Variants in SLC68A1 observed in about 807,000 individuals in gnomAD.
SLC68A1 encodes the protein solute carrier family 68 member 1.
the SLC68A1 span, chr10:102,475,633 G>A: frequency 6.9e-7 from 1 of 1,455,948 alleles, no homozygotes; most frequent in Non-Finnish European, 9.2e-7. Flanking sequence ...TCCATGTGGT[G>A]TCTGAGATGT....
At chr10:102,467,883 C>G in the SLC68A1 span, among the ~76,000 whole-genome samples, 1 of 152,162 alleles carries the variant, frequency 6.6e-6, no homozygotes, top group Non-Finnish European at 1.5e-5. Context: ...GTCTTGAACT[C>G]CTGACCTCAG....
the SLC68A1 span, among the ~76,000 whole-genome samples, chr10:102,467,252 T>C: frequency 6.6e-6 from 1 of 152,184 alleles, no homozygotes; most frequent in African/African-American, 2.4e-5. Context: ...GCCAGACTGG[T>C]CTCAAATTCC....
the SLC68A1 span, chr10:102,475,928 A>C: frequency 3.5e-5 from 56 of 1,613,502 alleles, no homozygotes; most frequent in Admixed American, 8.8e-4. Flanking sequence ...GCACATGGTC[A>C]AGGCCCAGCG....
At chr10:102,464,683 G>A in the SLC68A1 span, among the ~76,000 whole-genome samples, 6 of 151,150 alleles carry the variant, frequency 4.0e-5, no homozygotes, top group African/African-American at 1.2e-4. Flanking sequence ...CCAGCTACTC[G>A]GGTGGCTGAA....
At chr10:102,464,618 T>G in the SLC68A1 span, among the ~76,000 whole-genome samples, 1 of 149,214 alleles carries the variant, frequency 6.7e-6, no homozygotes, top group East Asian at 2.0e-4. Context: ...GGTGAAACCC[T>G]GTCTCTACTA....
the SLC68A1 span, among the ~76,000 whole-genome samples, chr10:102,465,425 T>TA: frequency 3.6e-4 from 53 of 147,508 alleles, no homozygotes; most frequent in South Asian, 8.7e-4. Context: ...ACTCTATCTT[T>TA]AAAAAAAAAA....
the SLC68A1 span, among the ~76,000 whole-genome samples, chr10:102,462,772 C>T: frequency 6.6e-6 from 1 of 152,250 alleles, no homozygotes; most frequent in Non-Finnish European, 1.5e-5. Flanking sequence ...TTCTCCCGCG[C>T]TGCTCTGAGC....
the SLC68A1 span, chr10:102,474,059 C>T: frequency 1.3e-6 from 2 of 1,514,070 alleles, no homozygotes; most frequent in African/African-American, 1.4e-5. Flanking sequence ...CCAGGGGGCA[C>T]AGCTTACCTG....
the SLC68A1 span, chr10:102,476,789 G>A: frequency 2.0e-6 from 2 of 985,864 alleles, no homozygotes; most frequent in African/African-American, 1.7e-5. Context: ...CCTGACTGGA[G>A]CTGGCCGCTG....
the SLC68A1 span, chr10:102,475,654 A>G: frequency 6.6e-7 from 1 of 1,517,506 alleles, no homozygotes; most frequent in Admixed American, 2.0e-5. Flanking sequence ...CACACCATAG[A>G]CTTGGAGGGC....
At chr10:102,470,760 T>C in the SLC68A1 span, 30 of 1,613,874 alleles carry the variant, frequency 1.9e-5, 1 homozygote, top group East Asian at 6.5e-4. Flanking sequence ...TTCCTGGCGT[T>C]CTGGGTGCCC....
chr10:102,465,736 G>T, the SLC68A1 span, among the ~76,000 whole-genome samples: 4 of 152,194 alleles, frequency 2.6e-5, no homozygotes, highest in Admixed American at 6.5e-5. Flanking sequence ...GAGAGGTGGG[G>T]CTGCTGTTCT....
the SLC68A1 span, chr10:102,468,961 G>A: frequency 2.1e-6 from 3 of 1,416,430 alleles, no homozygotes; most frequent in Non-Finnish European, 2.9e-6. Context: ...CCAGGGACGA[G>A]GATGGGAAGA....
At chr10:102,462,274 C>T in the SLC68A1 span, among the ~76,000 whole-genome samples, 1 of 152,048 alleles carries the variant, frequency 6.6e-6, no homozygotes, top group Non-Finnish European at 1.5e-5. Context: ...ACATATTATA[C>T]CTTTCATGTT....
At chr10:102,461,629 G>A in the SLC68A1 span, among the ~76,000 whole-genome samples, 3 of 152,114 alleles carry the variant, frequency 2.0e-5, no homozygotes, top group African/African-American at 7.2e-5. Context: ...GTGTGGTCCG[G>A]GCGGAAGAAG....
At chr10:102,475,435 G>A in the SLC68A1 span, among the ~76,000 whole-genome samples, 1 of 152,186 alleles carries the variant, frequency 6.6e-6, no homozygotes, top group African/African-American at 2.4e-5. Context: ...GGTGGGATAC[G>A]TTTTGGAGTT....
chr10:102,469,258 CCAGGCTGCT>C, the SLC68A1 span: 1 of 1,573,238 alleles, frequency 6.4e-7, no homozygotes, highest in Non-Finnish European at 8.7e-7. Flanking sequence ...TAGAGGCTGC[CCAGGCTGCT>C]GGGCAGATTG....
the SLC68A1 span, chr10:102,470,142 C>T: frequency 1.4e-6 from 2 of 1,451,446 alleles, no homozygotes; most frequent in Non-Finnish European, 1.9e-6. Context: ...GAGGGAGGAC[C>T]CCTGCCTGTG....
At chr10:102,472,844 C>T in the SLC68A1 span, 18 of 1,610,936 alleles carry the variant, frequency 1.1e-5, no homozygotes, top group East Asian at 2.2e-5. Flanking sequence ...CCATCCCTGT[C>T]GGGTTGCAGG....
Sources: allele counts gnomAD v4.1 joint callset (sites outside exome capture counted in the v4.1 genomes callset), GRCh38; gene constraint gnomAD v4.1.1; transcripts MANE v1.5; gene names NCBI Gene and HGNC (gene_info 2026-07-23, HGNC 2026-07-21).